CNTN1: variants seen among roughly 807,000 people sequenced by gnomAD.
The protein encoded by CNTN1 is contactin 1, also known as contactin-1.
In CNTN1, 38 loss-of-function variants were observed where a neutral mutation model predicts 126.4. That is an observed-to-expected ratio of 0.30 (90% CI 0.23 to 0.39). The LOEUF is 0.39. Ranked by LOEUF, CNTN1 falls within the 10% of genes least tolerant of loss-of-function variation. CNTN1 has a pLI of 1.00. For missense variants in CNTN1, 1,009 were observed against 1,248.4 expected (o/e 0.81, Z 2.89); for synonymous variants, 413 against 422.6 (o/e 0.98, Z 0.28).
At chr12:40,966,076 T>C (rs1947300081) in intron 15 of CNTN1, among the ~76,000 whole-genome samples, 1 of 150,634 alleles carries the variant, frequency 6.6e-6, no homozygotes, top group African/African-American at 2.4e-5. Flanking sequence ...GAGACGATCA[T>C]ATAAAGGCAG....
intron 1 of CNTN1, among the ~76,000 whole-genome samples, chr12:40,799,385 A>G (rs1565752449): frequency 6.6e-6 from 1 of 151,914 alleles, no homozygotes; most frequent in East Asian, 1.9e-4. Flanking sequence ...AAATTATGAT[A>G]AATACTGAAA....
At chr12:40,962,400 G>A (rs183472776) in intron 15 of CNTN1, among the ~76,000 whole-genome samples, 108 of 152,194 alleles carry the variant, frequency 7.1e-4, no homozygotes, top group African/African-American at 2.6e-3. Flanking sequence ...ATTGAGCTTA[G>A]AATGTAAGCA....
Position 41,029,124 on chromosome 12 carries a change from T to C in CNTN1, c.2885T>C (p.Ile962Thr). Reference protein sequence around the residue: ...GKLYSTHKHSIEVPIPRDGEY... With the variant: ...GKLYSTHKHSTEVPIPRDGEY... ...CTGTATTCAACTCACAAACACTCCA[T>C]AGAAGTCCCAATCCCCAGAGATGGA... is the stretch of plus-strand genomic sequence containing the variant. The change falls in exon 23 of 24, where the codon ATA (isoleucine) becomes ACA (threonine). Residue 962 changes from isoleucine to threonine, a missense_variant. Transcript: ENST00000551295. 1 of 1,614,030 alleles carries C rather than the reference T, an allele frequency of 6.2e-7. No individual in the cohort carries two copies.
chr12:41,033,311 T>C (rs1402146527), intron 23 of CNTN1, among the ~76,000 whole-genome samples: 2 of 152,196 alleles, frequency 1.3e-5, no homozygotes, highest in African/African-American at 4.8e-5. Context: ...TTAATAATTA[T>C]GAGCAAATTA....
chr12:40,895,461 C>T (rs1944376645), intron 1 of CNTN1, among the ~76,000 whole-genome samples: 1 of 152,100 alleles, frequency 6.6e-6, no homozygotes, highest in South Asian at 2.1e-4. Context: ...CTGGTGGGGA[C>T]TCCGTAGAGT....
chr12:40,824,046 C>T (rs1224282027), intron 1 of CNTN1, among the ~76,000 whole-genome samples: 1 of 152,056 alleles, frequency 6.6e-6, no homozygotes, highest in Non-Finnish European at 1.5e-5. Flanking sequence ...GGCATCCAGT[C>T]TATCATTCCC....
At chr12:40,724,666 G>C (rs746639713) in intron 1 of CNTN1, among the ~76,000 whole-genome samples, 8 of 152,036 alleles carry the variant, frequency 5.3e-5, no homozygotes, top group Non-Finnish European at 1.2e-4. Flanking sequence ...CACTTACTTT[G>C]GTTCAAAAGA....
At chr12:40,743,535 C>T (rs2136385215) in intron 1 of CNTN1, among the ~76,000 whole-genome samples, 1 of 152,012 alleles carries the variant, frequency 6.6e-6, no homozygotes, top group South Asian at 2.1e-4. Context: ...GTAACAAAGG[C>T]TAAGTATTTA....
chr12:40,827,030 G>C (rs1941635735), intron 1 of CNTN1, among the ~76,000 whole-genome samples: 1 of 152,042 alleles, frequency 6.6e-6, no homozygotes, highest in Admixed American at 6.6e-5. Context: ...AAATAGACAA[G>C]CATTTTATAC....
chr12:40,824,502 G>A (rs570108306), intron 1 of CNTN1, among the ~76,000 whole-genome samples: 5 of 152,224 alleles, frequency 3.3e-5, no homozygotes, highest in African/African-American at 1.2e-4. Context: ...CTCAATTTTA[G>A]AGATGAAGAA....
At chr12:41,049,152 T>G (rs891896639) in intron 23 of CNTN1, among the ~76,000 whole-genome samples, 3 of 152,194 alleles carry the variant, frequency 2.0e-5, no homozygotes, top group African/African-American at 7.2e-5. Context: ...CTTTTCTGGT[T>G]TCTGGTAATC....
chr12:40,864,240 G>A (rs914693229), intron 1 of CNTN1, among the ~76,000 whole-genome samples: 6 of 151,518 alleles, frequency 4.0e-5, no homozygotes, highest in Admixed American at 1.3e-4. Context: ...GGCTGGTCTC[G>A]AACTCCTGAC....
chr12:40,985,479 T>G (rs541438975), intron 16 of CNTN1, among the ~76,000 whole-genome samples: 179 of 152,274 alleles, frequency 1.2e-3, no homozygotes, highest in African/African-American at 4.1e-3. Context: ...TTATTTTTAT[T>G]TCATACAAAA....
At chr12:40,806,233 G>A (rs1940850110) in intron 1 of CNTN1, among the ~76,000 whole-genome samples, 1 of 152,074 alleles carries the variant, frequency 6.6e-6, no homozygotes, top group Non-Finnish European at 1.5e-5. Flanking sequence ...TGAAGGCCAA[G>A]CTACCTTATA....
chr12:40,863,653 C>A (rs1943189149), intron 1 of CNTN1, among the ~76,000 whole-genome samples: 1 of 152,082 alleles, frequency 6.6e-6, no homozygotes, highest in Admixed American at 6.6e-5. Flanking sequence ...TGAGCTCCAC[C>A]CCCTGTCAAT....
intron 1 of CNTN1, among the ~76,000 whole-genome samples, chr12:40,889,742 C>T (rs1274065987): frequency 6.6e-6 from 1 of 152,086 alleles, no homozygotes; most frequent in Non-Finnish European, 1.5e-5. Flanking sequence ...GTTTACCTAT[C>T]ATATGTACTC....
intron 1 of CNTN1, among the ~76,000 whole-genome samples, chr12:40,722,798 A>G (rs1302696564): frequency 6.6e-6 from 1 of 152,148 alleles, no homozygotes; most frequent in African/African-American, 2.4e-5. Context: ...TAATAAAATA[A>G]AGCAAAACCA....
In CNTN1 at chr12:41,017,543, A is replaced by C. The variant is rs143303912; in HGVS notation, c.2419+627A>C. On this transcript the variant is annotated intron_variant, in intron 19 of 23. Transcript: ENST00000551295. ...TGTTAAAGGGAATCTAGACATAATT[A>C]TATGAAAAAGAGGTCAGTTGAAATT... is the stretch of plus-strand genomic sequence containing the variant. 3.3e-5 allele frequency among the ~76,000 whole-genome samples: 5 copies of C among 152,156 alleles called. No homozygotes were observed. The East Asian group carries it at 9.7e-4, about 29-fold the overall frequency.
rs2136952714 is a variant in CNTN1 at position 40,944,111 on chromosome 12, T to C, written c.1624T>C (p.Phe542Leu). 8 of 1,613,530 alleles carry C rather than the reference T, an allele frequency of 5.0e-6. No homozygotes were observed. Among genetic ancestry groups the C allele is most frequent in the East Asian group, 2.2e-5 (1 of 44,852 alleles). The change falls in exon 14 of 24, where the codon TTC becomes CTC. Residue 542 changes from phenylalanine (F) to leucine (L), a missense_variant. Transcript: ENST00000551295. Reference protein sequence around the residue: ...PALDLTFVWSFNGYVIDFNKE... With the variant: ...PALDLTFVWSLNGYVIDFNKE... ...CTTGGATCTCACATTTGTTTGGTCC[T>C]TCAATGGCTATGTGATCGATTTTAA... is the stretch of plus-strand genomic sequence containing the variant.
Sources: gnomAD v4.1 joint callset for allele counts (sites outside exome capture counted in the v4.1 genomes callset) on GRCh38, gnomAD v4.1.1 for gene constraint, MANE v1.5 for transcripts, NCBI Gene and HGNC (gene_info 2026-07-23, HGNC 2026-07-21) for gene names.